ZFP1: variants seen among roughly 807,000 people sequenced by gnomAD.
ZFP1 encodes zinc finger protein 1 homolog.
In ZFP1, 32 loss-of-function variants were observed where a neutral mutation model predicts 38.5. The observed-to-expected ratio is 0.83, with a 90% CI of 0.63 to 1.12. ZFP1 has a LOEUF of 1.12. Ranked by LOEUF, ZFP1 falls within the 50% of genes most tolerant of loss-of-function variation. ZFP1 has a pLI of 0.00. For synonymous variants in ZFP1, 245 were observed against 168.8 expected (o/e 1.45, Z -3.50); for missense variants, 616 against 480.8 (o/e 1.28, Z -2.63).
In ZFP1 at chr16:75,158,223, CT is replaced by C. The variant is rs367880892; in HGVS notation, c.15+5263del. Among the ~76,000 whole-genome samples the C allele has an allele frequency of 4.0e-4, 60 of 151,842 alleles. 1 individual carries two copies. Among genetic ancestry groups the C allele is most frequent in the African/African-American group, 1.4e-3 (58 of 41,438 alleles). ...GTCGTGGTTTTGATCCAGCCTGTTT[CT>C]TTTTTCTTTTTTTGAGACAGGGTCT... On this transcript the variant is annotated intron_variant, in intron 2 of 3. Coordinates refer to ENST00000570010, the MANE Select transcript of ZFP1 (RefSeq NM_153688.4).
At chr16:75,142,057 G>T in the ZFP1 span, among the ~76,000 whole-genome samples, 3 of 118,998 alleles carry the variant, frequency 2.5e-5, no homozygotes, top group South Asian at 3.1e-4. Context: ...CCATCTCAAA[G>T]AAAAAAAAAA....
At chr16:75,142,010 C>T in the ZFP1 span, among the ~76,000 whole-genome samples, 150 of 148,812 alleles carry the variant, frequency 1.0e-3, no homozygotes, top group Non-Finnish European at 9.5e-4. Flanking sequence ...GCCGAGATCG[C>T]GCCACTGCAC....
At chr16:75,128,142 C>T in the ZFP1 span, among the ~76,000 whole-genome samples, 1 of 152,078 alleles carries the variant, frequency 6.6e-6, no homozygotes, top group Non-Finnish European at 1.5e-5. Context: ...AAACTGGCCT[C>T]ATACCTTTGT....
At chr16:75,165,059 C>T (rs1172429011) in intron 2 of ZFP1, among the ~76,000 whole-genome samples, 1 of 152,122 alleles carries the variant, frequency 6.6e-6, no homozygotes, top group Non-Finnish European at 1.5e-5. Context: ...CCCACTTCAG[C>T]CTCCCAAAGT....
At chr16:75,140,447 C>G in the ZFP1 span, among the ~76,000 whole-genome samples, 2 of 152,154 alleles carry the variant, frequency 1.3e-5, no homozygotes, top group Non-Finnish European at 2.9e-5. Flanking sequence ...GTCCCCTCAA[C>G]TCCTGCTATG....
chr16:75,125,632 A>G, the ZFP1 span, among the ~76,000 whole-genome samples: 1 of 152,136 alleles, frequency 6.6e-6, no homozygotes, highest in African/African-American at 2.4e-5. Flanking sequence ...TGGAAGTTGT[A>G]TTTTATGATC....
intron 2 of ZFP1, 71 bp from the exon 3 acceptor site, chr16:75,166,699 T>G: frequency 1.2e-6 from 1 of 855,986 alleles, no homozygotes; most frequent in Non-Finnish European, 1.8e-6. Context: ...ATGAATGACA[T>G]AAAGTTTTCA....
the ZFP1 span, among the ~76,000 whole-genome samples, chr16:75,123,469 A>G: frequency 0.69 from 70,085 of 101,068 alleles, 24,552 homozygotes; most frequent in Admixed American, 0.75. Context: ...ATATATATAT[A>G]TATATATATA....
chr16:75,137,381 G>A, the ZFP1 span, among the ~76,000 whole-genome samples: 2 of 151,650 alleles, frequency 1.3e-5, no homozygotes, highest in African/African-American at 4.8e-5. Context: ...GGAGGCTTAG[G>A]TGGGAAGATC....
intron 3 of ZFP1, among the ~76,000 whole-genome samples, chr16:75,168,997 T>G (rs1469428771): frequency 1.3e-5 from 2 of 152,200 alleles, no homozygotes; most frequent in Non-Finnish European, 2.9e-5. Flanking sequence ...TCTGCCCACT[T>G]TAAGGTCATT....
At chr16:75,141,995 C>A in the ZFP1 span, among the ~76,000 whole-genome samples, 3 of 149,470 alleles carry the variant, frequency 2.0e-5, no homozygotes, top group African/African-American at 7.4e-5. Context: ...CAGACATTGC[C>A]GTGAGCCGAG....
At chr16:75,144,433 C>T (rs1380103172), upstream of ZFP1, among the ~76,000 whole-genome samples, 3 of 152,134 alleles carry the variant, frequency 2.0e-5, no homozygotes, top group African/African-American at 7.2e-5. Flanking sequence ...ATTTATTTTA[C>T]GTTTACCTAC....
intron 2 of ZFP1, among the ~76,000 whole-genome samples, chr16:75,166,370 A>C (rs1314806616): frequency 1.3e-5 from 2 of 152,146 alleles, no homozygotes; most frequent in African/African-American, 4.8e-5. Flanking sequence ...CGTAGCTGGG[A>C]GTACAGGCAT....
At chr16:75,130,635 G>C in the ZFP1 span, among the ~76,000 whole-genome samples, 2 of 152,062 alleles carry the variant, frequency 1.3e-5, no homozygotes, top group Non-Finnish European at 2.9e-5. Context: ...CCTTTCCCTG[G>C]AGCAGGCTGC....
chr16:75,170,222 T>A lies in ZFP1; in HGVS notation c.1112T>A (p.Leu371Ter). The change falls in exon 4 of 4, where the codon TTG (leucine) becomes TAG (stop). Residue 371 changes from leucine (L) to a stop codon, truncating the protein, a stop_gained. Transcript: ENST00000570010. LOFTEE classifies it high-confidence loss of function. ...FSQRSTLRLH[L>*]RIHTGEKPYE... ...CAGAGGTCAACTCTTAGATTACACT[T>A]GCGAATCCACACAGGAGAGAAACCA... is the stretch of plus-strand genomic sequence containing the variant. 1 of 1,614,070 alleles carries A rather than the reference T, an allele frequency of 6.2e-7. No individual in the cohort carries two copies. The highest frequency in any genetic ancestry group is 8.5e-7 in the Non-Finnish European group (1 of 1,180,006).
the ZFP1 span, among the ~76,000 whole-genome samples, chr16:75,129,992 G>GT: frequency 6.6e-6 from 1 of 151,986 alleles, no homozygotes; most frequent in African/African-American, 2.4e-5. Flanking sequence ...TTGACTTGTG[G>GT]TTTTTTTGTT....
the ZFP1 span, among the ~76,000 whole-genome samples, chr16:75,120,130 G>A: frequency 6.6e-6 from 1 of 152,310 alleles, no homozygotes; most frequent in East Asian, 1.9e-4. Flanking sequence ...TCGAAGATGT[G>A]CATGTGTATG....
chr16:75,153,131 C>T (rs928741369), intron 2 of ZFP1, among the ~76,000 whole-genome samples, 165 bp downstream of exon 2: 4 of 152,182 alleles, frequency 2.6e-5, no homozygotes, highest in African/African-American at 7.2e-5. Flanking sequence ...AATTAAATGT[C>T]TTGCATTGGT....
At chr16:75,152,538 C>T (rs1043412601) in intron 1 of ZFP1, among the ~76,000 whole-genome samples, 6 of 152,136 alleles carry the variant, frequency 3.9e-5, no homozygotes, top group African/African-American at 1.4e-4. Context: ...TTGCAGTTTC[C>T]ATCTCTGCTG....
Sources: allele counts gnomAD v4.1 joint callset (sites outside exome capture counted in the v4.1 genomes callset), GRCh38; gene constraint gnomAD v4.1.1; transcripts MANE v1.5; gene names NCBI Gene and HGNC (gene_info 2026-07-23, HGNC 2026-07-21).